RTL4: variants seen among roughly 807,000 people sequenced by gnomAD.
RTL4 encodes retrotransposon Gag like 4.
A neutral mutation model predicts 5.3 loss-of-function variants in RTL4; 4 were observed. The ratio of observed to expected loss-of-function variants is 0.75; its 90% CI spans 0.37 to 1.72. The LOEUF (loss-of-function observed/expected upper bound fraction) is 1.72. Ranked by LOEUF, RTL4 falls within the 40% of genes most tolerant of loss-of-function variation. The pLI, the probability that RTL4 is intolerant of heterozygous loss-of-function variation, is 0.04. For synonymous variants in RTL4, 98 were observed against 87.3 expected (o/e 1.12, Z -0.68); for missense variants, 260 against 227.1 (o/e 1.14, Z -0.93).
chrX:112,325,398 C>T, the RTL4 span, among the ~76,000 whole-genome samples: 2 of 111,951 alleles, frequency 1.8e-5, no homozygotes, highest in Non-Finnish European at 3.8e-5. Flanking sequence ...TGACTTCAAA[C>T]TATACTACAA....
chrX:112,147,088 G>A, the RTL4 span, among the ~76,000 whole-genome samples: 14 of 108,205 alleles, frequency 1.3e-4, 1 homozygote, highest in Admixed American at 8.1e-4. Flanking sequence ...GTGTGATCTG[G>A]GCCAAATTAT....
the RTL4 span, among the ~76,000 whole-genome samples, chrX:112,086,583 TG>T: frequency 1.8e-5 from 2 of 112,330 alleles, no homozygotes; most frequent in Non-Finnish European, 3.8e-5. Flanking sequence ...ATGGAATATC[TG>T]TTCAAATCAG....
the RTL4 span, among the ~76,000 whole-genome samples, chrX:112,184,218 G>A: frequency 1.2e-5 from 1 of 86,815 alleles, no homozygotes; most frequent in Non-Finnish European, 2.2e-5. Flanking sequence ...GGGGGGAGGG[G>A]GCAGGGATAG....
chrX:112,342,828 G>T, the RTL4 span, among the ~76,000 whole-genome samples: 2 of 112,070 alleles, frequency 1.8e-5, no homozygotes, highest in East Asian at 5.6e-4. Flanking sequence ...TTAGCCGGAC[G>T]TGGTGGCTCA....
chrX:112,236,485 C>A, the RTL4 span, among the ~76,000 whole-genome samples: 4 of 55,611 alleles, frequency 7.2e-5, no homozygotes, highest in African/African-American at 2.7e-4. Context: ...AGATATAGAT[C>A]TATATCTATA....
At chrX:112,238,296 CTTTATA>C in the RTL4 span, among the ~76,000 whole-genome samples, 1 of 111,821 alleles carries the variant, frequency 8.9e-6, no homozygotes, top group South Asian at 3.7e-4. Flanking sequence ...TGTATATGAT[CTTTATA>C]TTTATATAGT....
the RTL4 span, among the ~76,000 whole-genome samples, chrX:112,366,039 T>TTG: frequency 9.0e-6 from 1 of 111,174 alleles, no homozygotes; most frequent in Admixed American, 9.6e-5. Flanking sequence ...TGGCTTATAG[T>TTG]AGCCCATGGG....
At chrX:112,084,800 GC>G in the RTL4 span, among the ~76,000 whole-genome samples, 63 of 111,229 alleles carry the variant, frequency 5.7e-4, no homozygotes, top group African/African-American at 1.8e-3. Context: ...TCCTTCAAAG[GC>G]CCTATATCCA....
the RTL4 span, among the ~76,000 whole-genome samples, chrX:112,236,441 ATC>A: frequency 2.8e-4 from 22 of 79,154 alleles, no homozygotes; most frequent in Admixed American, 2.8e-3. Context: ...ATAGATCTAT[ATC>A]TATATATAGA....
the RTL4 span, among the ~76,000 whole-genome samples, chrX:112,133,159 C>T: frequency 9.0e-6 from 1 of 111,713 alleles, no homozygotes; most frequent in Non-Finnish European, 1.9e-5. Context: ...ATTGTTACTG[C>T]AGGTAAAAGA....
the RTL4 span, among the ~76,000 whole-genome samples, chrX:112,407,644 G>A: frequency 8.9e-6 from 1 of 112,288 alleles, no homozygotes; most frequent in African/African-American, 3.2e-5. Flanking sequence ...CAGCCCCAGG[G>A]CCTTGAGTGA....
the RTL4 span, among the ~76,000 whole-genome samples, chrX:112,333,640 A>G: frequency 2.7e-5 from 3 of 111,278 alleles, no homozygotes; most frequent in Non-Finnish European, 5.7e-5. Flanking sequence ...CTGGCATTTT[A>G]TTTATTTATT....
the RTL4 span, among the ~76,000 whole-genome samples, chrX:112,302,130 G>A: frequency 9.1e-5 from 10 of 109,403 alleles, no homozygotes; most frequent in South Asian, 4.0e-4. Flanking sequence ...GCATGGTGGC[G>A]GGCACCTGTA....
the RTL4 span, among the ~76,000 whole-genome samples, chrX:112,288,460 G>A: frequency 1.8e-5 from 2 of 112,019 alleles, no homozygotes; most frequent in African/African-American, 6.5e-5. Context: ...TTCCCTTCAA[G>A]TGTGCCAATA....
chrX:112,187,822 ATCAACTGCCAAACAAAAGAG>A, the RTL4 span, among the ~76,000 whole-genome samples: 1 of 112,045 alleles, frequency 8.9e-6, no homozygotes, highest in African/African-American at 3.2e-5. Flanking sequence ...TGTGGAGGAC[ATCAACTGCCAAACAAAAGAG>A]TTTGGATTTG....
chrX:112,395,176 A>G, the RTL4 span, among the ~76,000 whole-genome samples: 7,282 of 111,833 alleles, frequency 0.065, 613 homozygotes, highest in African/African-American at 0.22. Flanking sequence ...CTAGTGACAA[A>G]AGAAATTTCA....
the RTL4 span, among the ~76,000 whole-genome samples, chrX:112,095,758 A>G: frequency 1.8e-5 from 2 of 111,517 alleles, no homozygotes; most frequent in Admixed American, 1.9e-4. Flanking sequence ...AGTCAAGGGT[A>G]TGGCTGTAAG....
chrX:112,338,578 A>G, the RTL4 span, among the ~76,000 whole-genome samples: 1 of 112,018 alleles, frequency 8.9e-6, no homozygotes, highest in Non-Finnish European at 1.9e-5. Context: ...TAATTATATT[A>G]ATTAATTATT....
the RTL4 span, among the ~76,000 whole-genome samples, chrX:112,342,052 A>C: frequency 9.0e-6 from 1 of 111,098 alleles, no homozygotes; most frequent in East Asian, 2.8e-4. Context: ...CTCTAAAGGG[A>C]GAGTTTCTAG....
Sources: gnomAD v4.1 joint callset for allele counts (sites outside exome capture counted in the v4.1 genomes callset) on GRCh38, gnomAD v4.1.1 for gene constraint, MANE v1.5 for transcripts, NCBI Gene and HGNC (gene_info 2026-07-23, HGNC 2026-07-21) for gene names.